The following NCOA6 variants were observed in gnomAD, a reference collection of about 807,000 sequenced individuals.
NCOA6 encodes nuclear receptor coactivator 6, also known as NRC RAP250.
Under a neutral mutation model 171.4 loss-of-function variants are expected in NCOA6, and 49 were observed. That is an observed-to-expected ratio of 0.29 (90% confidence interval 0.23 to 0.36). The LOEUF is 0.36. Among genes scored for constraint, NCOA6 ranks in the 10% least tolerant of loss-of-function variants. The probability of loss-of-function intolerance (pLI) is 1.00; values close to 1 mark genes in which losing one functional copy is unlikely to be tolerated. For synonymous variants in NCOA6, 910 were observed against 927.5 expected (o/e 0.98, Z 0.34); for missense variants, 2,248 against 2,554.5 (o/e 0.88, Z 2.59).
At position 34,750,154 on chromosome 20, in the gene NCOA6, T is replaced by C. The variant is rs752581056; in HGVS notation, c.2041A>G (p.Lys681Glu). The change falls in exon 9 of 15, where the codon AAG (lysine) becomes GAG (glutamate). Residue 681 changes from lysine (K) to glutamate (E), a missense_variant. By Grantham distance (56) the Lys-to-Glu change is moderately conservative. Coordinates refer to ENST00000359003, the MANE Select transcript of NCOA6 (RefSeq NM_014071.5). Reference protein sequence around the residue: ...GPSPQRMTPPKQMLSQQGPQM... With the variant: ...GPSPQRMTPPEQMLSQQGPQM... ...GGGCCCTGCTGGGAAAGCATCTGCT[T>C]GGGTGGGGTCATCCTTTGGGGCGAG... 1 of 1,613,724 alleles carries C rather than the reference T, an allele frequency of 6.2e-7. No individual in the cohort carries two copies. Among genetic ancestry groups the C allele is most frequent in the Admixed American group, 1.7e-5 (1 of 59,996 alleles).
chr20:34,820,770 CA>C (rs201915744), intron 1 of NCOA6: 392 of 52,532 alleles, frequency 7.5e-3, no homozygotes, highest in Middle Eastern at 0.01. Context: ...GACTTCATCT[CA>C]AAAAAAAAAA....
intron 1 of NCOA6, among the ~76,000 whole-genome samples, chr20:34,816,129 G>A (rs2078827292): frequency 6.6e-6 from 1 of 152,084 alleles, no homozygotes; most frequent in Non-Finnish European, 1.5e-5. Context: ...ATTTTCCTAT[G>A]TCCATCATTC....
At chr20:34,811,201 GTA>G (rs10700283) in intron 1 of NCOA6, among the ~76,000 whole-genome samples, 13,731 of 53,584 alleles carry the variant, frequency 0.26, 1,326 homozygotes, top group Middle Eastern at 0.31. Context: ...ACAACAACGT[GTA>G]TATATATATA....
At chr20:34,716,641 C>T (rs1988634540) in intron 14 of NCOA6, among the ~76,000 whole-genome samples, 2 of 152,028 alleles carry the variant, frequency 1.3e-5, no homozygotes, top group South Asian at 4.1e-4. Flanking sequence ...GTCCCAGCTA[C>T]TCAGGAGACC....
chr20:34,796,996 G>A (rs1243384214), intron 1 of NCOA6, among the ~76,000 whole-genome samples: 1 of 152,150 alleles, frequency 6.6e-6, no homozygotes, highest in Non-Finnish European at 1.5e-5. Flanking sequence ...TAAACGCTTA[G>A]TATCAATATT....
At chr20:34,731,125 C>T (rs1166363331) in intron 13 of NCOA6, among the ~76,000 whole-genome samples, 7 of 152,068 alleles carry the variant, frequency 4.6e-5, no homozygotes, top group African/African-American at 1.7e-4. Context: ...GTTTAAGTGA[C>T]TCTCCTGCCT....
In NCOA6 at chr20:34,799,627, G is replaced by A. The variant is rs191903998; in HGVS notation, c.-163-7064C>T. Among the ~76,000 whole-genome samples the A allele has an allele frequency of 4.2e-3, 636 of 152,160 alleles. 3 individuals are homozygous for A. Among genetic ancestry groups the A allele is most frequent in the African/African-American group, 0.015 (612 of 41,542 alleles). On this transcript the variant is annotated intron_variant, in intron 1 of 14. Coordinates refer to ENST00000359003, the MANE Select transcript of NCOA6 (RefSeq NM_014071.5). ...AAATAACAATTTTAAAAAATACAAT[G>A]GAACTCCAATACATCTGGCAGCAGA...
intron 4 of NCOA6, among the ~76,000 whole-genome samples, chr20:34,769,413 G>C (rs573983102): frequency 2.0e-5 from 3 of 151,516 alleles, no homozygotes; most frequent in African/African-American, 7.3e-5. Flanking sequence ...ACTCAGGCTA[G>C]AGTGCAGTGG....
At chr20:34,781,557 G>A (rs896385467) in intron 3 of NCOA6, among the ~76,000 whole-genome samples, 3 of 152,092 alleles carry the variant, frequency 2.0e-5, no homozygotes, top group Admixed American at 6.5e-5. Context: ...GTAAAAATCC[G>A]GATTTTCATG....
intron 13 of NCOA6, among the ~76,000 whole-genome samples, chr20:34,727,956 C>G (rs531443731): frequency 1.9e-4 from 29 of 152,054 alleles, no homozygotes; most frequent in African/African-American, 6.8e-4. Context: ...AACTCCTGAC[C>G]TCAAGTGATC....
At chr20:34,772,644 G>A (rs2077186275) in intron 4 of NCOA6, among the ~76,000 whole-genome samples, 1 of 150,948 alleles carries the variant, frequency 6.6e-6, no homozygotes, top group Non-Finnish European at 1.5e-5. Flanking sequence ...AGAAATGCCT[G>A]GTTAAAGGTG....
chr20:34,816,650 T>G (rs1021329764), intron 1 of NCOA6, among the ~76,000 whole-genome samples: 2 of 151,724 alleles, frequency 1.3e-5, no homozygotes, highest in African/African-American at 4.8e-5. Context: ...TCCACCCACC[T>G]TGGCCTCCTA....
intron 1 of NCOA6, among the ~76,000 whole-genome samples, chr20:34,810,513 T>C (rs1340391459): frequency 6.6e-6 from 1 of 151,980 alleles, no homozygotes; most frequent in East Asian, 1.9e-4. Context: ...TATGAGGAAA[T>C]TAAATAAAGC....
At chr20:34,801,228 T>C (rs1440733523) in intron 1 of NCOA6, among the ~76,000 whole-genome samples, 2 of 152,180 alleles carry the variant, frequency 1.3e-5, no homozygotes. Flanking sequence ...GGGAAGTTTA[T>C]GGCTATAGGC....
rs764691752 is a variant in NCOA6 at position 34,758,012 on chromosome 20, C to G, written c.736G>C (p.Val246Leu). ...LAPPHHPMQP[V>L]SVNRQMNPAN... ...GGGTTCATTTGTCTGTTCACAGAGA[C>G]AGGCTGCATTGGGTGATGTGGGGGA... The change falls in exon 7 of 15, where the codon GTC becomes CTC. Residue 246 changes from valine (V) to leucine (L), a missense_variant. Val to Leu is a conservative substitution (Grantham distance 32, BLOSUM62 1). Around this residue, in one of 7 missense-constraint regions of NCOA6, gnomAD observed 987 missense variants for 1,104.7 expected, o/e 0.89. Transcript: ENST00000359003. 6.2e-7 allele frequency: 1 copy of G among 1,613,942 alleles called. No homozygotes were observed. The highest frequency in any genetic ancestry group is 1.1e-5 in the South Asian group (1 of 91,052).
At chr20:34,820,013 G>A (rs2078958220) in intron 1 of NCOA6, 1 of 152,032 alleles carries the variant, frequency 6.6e-6, no homozygotes, top group Non-Finnish European at 1.5e-5. Context: ...AAATGAAACT[G>A]GACCCGACCT....
In NCOA6 at chr20:34,715,213, T is replaced by G; in HGVS notation, c.*109A>C. 1 of 1,446,430 alleles carries G rather than the reference T, an allele frequency of 6.9e-7. No individual in the cohort carries two copies. The highest frequency in any genetic ancestry group is 9.6e-7 in the Non-Finnish European group (1 of 1,036,600). The allele number at this position is 1,446,430 out of a possible 1,614,324, so 89.6% of individuals were successfully genotyped here. Reference sequence around the variant, plus strand: ...GCAGGGACTAGGAAAAGGGCCACATTATTAAAATTACTAACTGTACAGAAA... The same window carrying G: ...GCAGGGACTAGGAAAAGGGCCACATGATTAAAATTACTAACTGTACAGAAA... On this transcript the variant is annotated 3_prime_UTR_variant, in exon 15 of 15. Coordinates refer to ENST00000359003, the MANE Select transcript of NCOA6 (RefSeq NM_014071.5).
Position 34,750,469 on chromosome 20 carries a change from G to A in NCOA6, c.1726C>T (p.Pro576Ser). ...AGGCTGGGCTGCATCATATTTGGCG[G>A]CCCGTGGGACACCTGCATCTGGTTT... The part of the protein sequence containing the change: ...PQNQMQVSHG[P>S]PNMMQPSLMG... Residue 576 changes from proline to serine, a missense_variant, in exon 9 of 15, where the codon CCG (proline) becomes TCG (serine). Physicochemically the swap from Pro to Ser is moderately conservative, Grantham distance 74. Transcript: ENST00000359003. 1 of 1,613,170 alleles carries A rather than the reference G, an allele frequency of 6.2e-7. No individual in the cohort carries two copies. Among genetic ancestry groups the A allele is most frequent in the Non-Finnish European group, 8.5e-7 (1 of 1,179,534 alleles).
At chr20:34,729,390 T>C (rs996374660) in intron 13 of NCOA6, among the ~76,000 whole-genome samples, 3 of 152,368 alleles carry the variant, frequency 2.0e-5, no homozygotes, top group East Asian at 3.9e-4. Flanking sequence ...TTTTCTTCTT[T>C]GTAATTCTCT....
Sources: gnomAD v4.1 joint callset for allele counts (sites outside exome capture counted in the v4.1 genomes callset) on GRCh38, gnomAD v4.1.1 for gene constraint, gnomAD v4.1.1 regional missense constraint, MANE v1.5 for transcripts, NCBI Gene and HGNC (gene_info 2026-07-23, HGNC 2026-07-21) for gene names.